Variants in RBFOX1 observed in about 807,000 individuals in gnomAD.
RBFOX1 encodes the protein RNA binding fox-1 homolog 1, also known as RNA binding protein fox-1 homolog 1.
A neutral mutation model predicts 57.7 loss-of-function variants in RBFOX1; 8 were observed. The ratio of observed to expected loss-of-function variants is 0.14; its 90% confidence interval spans 0.08 to 0.25. The LOEUF is 0.25. Among genes scored for constraint, RBFOX1 ranks in the 10% least tolerant of loss-of-function variants. The probability of loss-of-function intolerance (pLI) is 1.00; values close to 1 mark genes in which losing one functional copy is unlikely to be tolerated. For missense variants in RBFOX1, 611 were observed against 548.5 expected (o/e 1.11, Z -1.14); for synonymous variants, 326 against 222.4 (o/e 1.47, Z -4.15).
intron 3 of RBFOX1, among the ~76,000 whole-genome samples, chr16:6,792,348 A>G (rs1380792624): frequency 1.3e-5 from 2 of 152,182 alleles, no homozygotes; most frequent in East Asian, 3.9e-4. Flanking sequence ...TCCTTTCAGC[A>G]TTTTAGGATT....
chr16:7,114,741 C>T (rs778171139), intron 4 of RBFOX1, among the ~76,000 whole-genome samples: 12 of 152,172 alleles, frequency 7.9e-5, no homozygotes, highest in Non-Finnish European at 1.3e-4. Flanking sequence ...CTGCTAGGTG[C>T]ATGGAAACTT....
At chr16:5,448,937 T>C (rs1254983505) in intron 1 of RBFOX1, among the ~76,000 whole-genome samples, 1 of 152,054 alleles carries the variant, frequency 6.6e-6, no homozygotes, top group African/African-American at 2.4e-5. Context: ...CCTCCCACTC[T>C]CTACTGCAGA....
chr16:6,493,925 A>C (rs1012344518), intron 2 of RBFOX1, among the ~76,000 whole-genome samples: 1 of 152,228 alleles, frequency 6.6e-6, no homozygotes, highest in Non-Finnish European at 1.5e-5. Context: ...TAATACATCT[A>C]CAGTAGCATC....
intron 3 of RBFOX1, among the ~76,000 whole-genome samples, chr16:5,825,654 C>G (rs1053366768): frequency 6.6e-6 from 1 of 152,158 alleles, no homozygotes; most frequent in Non-Finnish European, 1.5e-5. Flanking sequence ...ACAGCCATCA[C>G]CACTGTCTGC....
chr16:5,939,252 A>G (rs939592699), intron 4 of RBFOX1, among the ~76,000 whole-genome samples: 2 of 152,244 alleles, frequency 1.3e-5, no homozygotes, highest in African/African-American at 4.8e-5. Context: ...AAAGTTAATC[A>G]TATTAGTATA....
intron 3 of RBFOX1, among the ~76,000 whole-genome samples, chr16:5,854,628 G>A (rs904878581): frequency 2.6e-5 from 4 of 151,214 alleles, no homozygotes; most frequent in African/African-American, 7.3e-5. Context: ...CATTTTCTTC[G>A]TTCATCTGTT....
At chr16:5,941,162 G>A (rs563199985) in intron 4 of RBFOX1, among the ~76,000 whole-genome samples, 12 of 152,268 alleles carry the variant, frequency 7.9e-5, no homozygotes, top group East Asian at 1.9e-4. Flanking sequence ...TCTTGGTGGT[G>A]TGGAGAAAGT....
In RBFOX1 at chr16:5,279,244, T is replaced by C. The variant is rs370096599; in HGVS notation, c.219+39139T>C. On this transcript the variant is annotated intron_variant, in intron 1 of 2. Transcript: ENST00000585867. ...GATGCTTTTCCATTTGTTTGTGTCC[T>C]TCTCAATTTATTTTATCAGTGTTTT... Among the ~76,000 whole-genome samples the C allele has an allele frequency of 1.9e-4, 29 of 152,318 alleles. No individual in the cohort carries two copies. The South Asian group carries it at 2.5e-3, about 13-fold the overall frequency.
intron 1 of RBFOX1, among the ~76,000 whole-genome samples, chr16:5,318,717 C>G (rs1005288456): frequency 1.3e-5 from 2 of 152,172 alleles, no homozygotes; most frequent in African/African-American, 4.8e-5. Context: ...TCCCAGTTAT[C>G]CAAACGGTAA....
intron 3 of RBFOX1, among the ~76,000 whole-genome samples, chr16:5,678,541 A>G (rs1473638563): frequency 6.6e-6 from 1 of 152,184 alleles, no homozygotes; most frequent in East Asian, 1.9e-4. Context: ...CCCGGTTCCT[A>G]AGCTCAGTGA....
At chr16:5,599,092 C>G (rs1373617212) in exon 3 of RBFOX1, 2 of 913,456 alleles carry the variant, frequency 2.2e-6, no homozygotes, top group African/African-American at 1.6e-5. Context: ...GGAGAATTAA[C>G]TGGGTTTGAG....
chr16:5,824,222 A>G (rs959968712), intron 3 of RBFOX1, among the ~76,000 whole-genome samples: 1 of 152,212 alleles, frequency 6.6e-6, no homozygotes, highest in Non-Finnish European at 1.5e-5. Flanking sequence ...AGGGGGCGCC[A>G]GAGTCTGCGC....
chr16:7,202,145 G>A (rs1005399926), intron 4 of RBFOX1, among the ~76,000 whole-genome samples: 1 of 152,020 alleles, frequency 6.6e-6, no homozygotes, highest in Non-Finnish European at 1.5e-5. Flanking sequence ...GATTAAAATG[G>A]TTAAAGGACT....
chr16:7,465,902 G>C (rs79380816), intron 4 of RBFOX1, among the ~76,000 whole-genome samples: 420 of 152,236 alleles, frequency 2.8e-3, no homozygotes, highest in African/African-American at 9.4e-3. Context: ...TTGCCCCAAA[G>C]CATCTCATGG....
At chr16:6,887,584 G>A (rs530979208) in intron 3 of RBFOX1, among the ~76,000 whole-genome samples, 1 of 150,900 alleles carries the variant, frequency 6.6e-6, no homozygotes, top group South Asian at 2.1e-4. Flanking sequence ...TTCGAATTCT[G>A]CCATATCACC....
At chr16:7,281,522 A>G (rs1257622231) in intron 4 of RBFOX1, among the ~76,000 whole-genome samples, 1 of 152,142 alleles carries the variant, frequency 6.6e-6, no homozygotes, top group Non-Finnish European at 1.5e-5. Flanking sequence ...ACATACACAC[A>G]CAAAGAGACC....
At chr16:6,588,611 C>T (rs2097665028) in intron 2 of RBFOX1, among the ~76,000 whole-genome samples, 1 of 152,190 alleles carries the variant, frequency 6.6e-6, no homozygotes, top group South Asian at 2.1e-4. Flanking sequence ...GAGATCATGC[C>T]ACTGCACTCC....
chr16:5,796,957 C>T (rs898839328), intron 3 of RBFOX1, among the ~76,000 whole-genome samples: 1 of 152,112 alleles, frequency 6.6e-6, no homozygotes, highest in African/African-American at 2.4e-5. Flanking sequence ...AGGTCTCTGG[C>T]CTTTTAGAGT....
intron 4 of RBFOX1, among the ~76,000 whole-genome samples, chr16:5,873,439 A>G (rs556129097): frequency 6.6e-6 from 1 of 152,300 alleles, no homozygotes; most frequent in South Asian, 2.1e-4. Flanking sequence ...TTTGATAGTC[A>G]TCTCCGTCCT....
Sources: gnomAD v4.1 joint callset for allele counts (sites outside exome capture counted in the v4.1 genomes callset) on GRCh38, gnomAD v4.1.1 for gene constraint, MANE v1.5 for transcripts, NCBI Gene and HGNC (gene_info 2026-07-23, HGNC 2026-07-21) for gene names.